The following SDCCAG8 variants were observed in gnomAD, a reference collection of about 807,000 sequenced individuals.
SDCCAG8 encodes serologically defined colon cancer antigen 8.
In SDCCAG8, 74 loss-of-function variants were observed where a neutral mutation model predicts 101.8. The ratio of observed to expected loss-of-function variants is 0.73; its 90% confidence interval spans 0.60 to 0.88. The LOEUF (loss-of-function observed/expected upper bound fraction) is 0.88, where lower values mean the gene tolerates loss of function less well. Ranked by LOEUF, SDCCAG8 falls within the 40% of genes least tolerant of loss-of-function variation. The pLI is 0.00. For synonymous variants in SDCCAG8, 281 were observed against 292.9 expected, an observed-to-expected ratio of 0.96 and a Z score of 0.41; for missense variants, 787 against 822.6, an observed-to-expected ratio of 0.96 and a Z score of 0.53.
At chr1:243,419,961 G>C (rs567580492) in intron 15 of SDCCAG8, among the ~76,000 whole-genome samples, 10 of 152,258 alleles carry the variant, frequency 6.6e-5, no homozygotes, top group East Asian at 3.9e-4. Flanking sequence ...CATTCCTCCA[G>C]CTCCTGAACA....
At chr1:243,285,074 G>A (rs1572966082) in intron 4 of SDCCAG8, among the ~76,000 whole-genome samples, 1 of 152,048 alleles carries the variant, frequency 6.6e-6, no homozygotes, top group Admixed American at 6.6e-5. Context: ...GTAGAGATGG[G>A]GTTTCACCGT....
In SDCCAG8 at chr1:243,291,946, T is replaced by C. The variant is rs575232292; in HGVS notation, c.547-1145T>C. Reference sequence around the variant, plus strand: ...CCCTTCCTAATGTGTGATAATTTGCTATAATGGCTCACAAAATTCAGGGAA... The same window carrying C: ...CCCTTCCTAATGTGTGATAATTTGCCATAATGGCTCACAAAATTCAGGGAA... On this transcript the variant is annotated intron_variant, in intron 5 of 17. Coordinates refer to ENST00000366541, the MANE Select transcript of SDCCAG8 (RefSeq NM_006642.5). Among the ~76,000 whole-genome samples the C allele has an allele frequency of 3.6e-4, 55 of 152,338 alleles. 1 individual carries two copies. In the South Asian group the frequency reaches 0.011, roughly 31 times the overall value.
chr1:243,415,587 T>C, intron 13 of SDCCAG8, 115 bp from the exon 14 acceptor site: 4 of 1,446,174 alleles, frequency 2.8e-6, no homozygotes. Flanking sequence ...AAGGTCCTTG[T>C]CTTCTTATGC....
At chr1:243,409,815 CTCTT>C (rs2080045010) in intron 13 of SDCCAG8, among the ~76,000 whole-genome samples, 2 of 152,094 alleles carry the variant, frequency 1.3e-5, no homozygotes, top group Admixed American at 1.3e-4. Flanking sequence ...GAAGGGAAAG[CTCTT>C]TCTTATAATA....
chr1:243,341,147 G>T lies in SDCCAG8; in HGVS notation c.1330G>T (p.Ala444Ser). 1.2e-6 allele frequency: 2 copies of T among 1,614,052 alleles called. No homozygotes were observed. Among genetic ancestry groups the T allele is most frequent in the African/African-American group, 2.7e-5 (2 of 75,050 alleles). ...ACTGGAGGAAATTCAAAGCCAGCTG[G>T]CTTCTCGGGAAATGGATGTCACAAA... Reference protein sequence around the residue: ...NQLEEIQSQLASREMDVTKVC... With the variant: ...NQLEEIQSQLSSREMDVTKVC... The change falls in exon 11 of 18, where the codon GCT (alanine) becomes TCT (serine). Residue 444 changes from alanine to serine, a missense_variant. Transcript: ENST00000366541.
intron 15 of SDCCAG8, among the ~76,000 whole-genome samples, chr1:243,421,838 T>C (rs1049975163): frequency 3.3e-5 from 5 of 152,212 alleles, no homozygotes; most frequent in African/African-American, 1.2e-4. Context: ...GGGTTGTTTT[T>C]TGAAGGAGGT....
chr1:243,459,882 A>C (rs1309268843), intron 16 of SDCCAG8, among the ~76,000 whole-genome samples: 1 of 152,192 alleles, frequency 6.6e-6, no homozygotes, highest in Non-Finnish European at 1.5e-5. Flanking sequence ...GTAAGTTTCT[A>C]ATCAGTTTGC....
chr1:243,361,936 T>C (rs2076734374), intron 12 of SDCCAG8, among the ~76,000 whole-genome samples: 1 of 152,388 alleles, frequency 6.6e-6, no homozygotes, highest in African/African-American at 2.4e-5. Flanking sequence ...TATTCTCTTT[T>C]GTATTCAGTG....
chr1:243,344,826 C>G (rs2075603612), intron 12 of SDCCAG8, among the ~76,000 whole-genome samples: 1 of 152,146 alleles, frequency 6.6e-6, no homozygotes, highest in South Asian at 2.1e-4. Context: ...AATACAGTGA[C>G]ATTAGAAATG....
intron 1 of SDCCAG8, among the ~76,000 whole-genome samples, chr1:243,266,492 G>A (rs1465255545): frequency 1.3e-5 from 2 of 151,544 alleles, no homozygotes; most frequent in African/African-American, 4.8e-5. Context: ...AACCTTTTTT[G>A]TATTTTTAGT....
intron 10 of SDCCAG8, among the ~76,000 whole-genome samples, chr1:243,337,128 T>C (rs533798215): frequency 1.3e-5 from 2 of 152,256 alleles, no homozygotes; most frequent in South Asian, 4.2e-4. Context: ...AGCTAGGATT[T>C]TTATAGTTTG....
intron 4 of SDCCAG8, among the ~76,000 whole-genome samples, chr1:243,283,392 C>A (rs2069249818): frequency 8.7e-6 from 1 of 114,550 alleles, no homozygotes. Context: ...TTTTTGTGTC[C>A]CTGTTTATTT....
intron 10 of SDCCAG8, among the ~76,000 whole-genome samples, chr1:243,334,927 A>G (rs368541049): frequency 3.9e-5 from 6 of 152,208 alleles, no homozygotes; most frequent in East Asian, 3.9e-4. Flanking sequence ...CGCGCCTCCC[A>G]TAGCTGAATT....
intron 12 of SDCCAG8, among the ~76,000 whole-genome samples, chr1:243,350,949 G>C (rs942084155): frequency 3.3e-5 from 5 of 152,228 alleles, no homozygotes; most frequent in Admixed American, 2.0e-4. Context: ...AGCAGTGTTA[G>C]TCTTTTCTAC....
At chr1:243,299,091 C>T (rs140401417) in intron 6 of SDCCAG8, among the ~76,000 whole-genome samples, 3 of 152,268 alleles carry the variant, frequency 2.0e-5, no homozygotes, top group Non-Finnish European at 2.9e-5. Flanking sequence ...TTGTCAATAA[C>T]CTTTCATAGT....
At chr1:243,497,380 T>C (rs1240215474) in intron 17 of SDCCAG8, among the ~76,000 whole-genome samples, 1 of 137,284 alleles carries the variant, frequency 7.3e-6, no homozygotes, top group African/African-American at 2.8e-5. Context: ...TTCAACAGTG[T>C]GAAAGTGGGG....
Position 243,499,834 on chromosome 1 carries a change from T to TTCA in SDCCAG8, c.*52_*54dup, listed in dbSNP as rs1669072302. On this transcript the variant is annotated 3_prime_UTR_variant, in exon 18 of 18. Coordinates refer to ENST00000366541, the MANE Select transcript of SDCCAG8 (RefSeq NM_006642.5). ...AATGATTTACAAAGAGATATTTACA[T>TTCA]TCATCTGGTTTAGACTTAATATGCC... 1 of 1,576,698 alleles carries TTCA rather than the reference T, an allele frequency of 6.3e-7. No homozygotes were observed.
At chr1:243,371,199 T>C (rs1277790815) in intron 12 of SDCCAG8, among the ~76,000 whole-genome samples, 2 of 152,132 alleles carry the variant, frequency 1.3e-5, no homozygotes, top group South Asian at 2.1e-4. Flanking sequence ...TCCACCTATG[T>C]CACATTATAG....
chr1:243,464,988 G>A (rs559096660), intron 16 of SDCCAG8, among the ~76,000 whole-genome samples: 1 of 152,318 alleles, frequency 6.6e-6, no homozygotes, highest in East Asian at 1.9e-4. Flanking sequence ...CTACTGGACT[G>A]TAACAGTGAC....
Sources: allele counts gnomAD v4.1 joint callset (sites outside exome capture counted in the v4.1 genomes callset), GRCh38; gene constraint gnomAD v4.1.1; transcripts MANE v1.5; gene names NCBI Gene and HGNC (gene_info 2026-07-23, HGNC 2026-07-21).